Variants in SLC8A1 observed in about 807,000 individuals in gnomAD.
SLC8A1 encodes the protein sodium/calcium exchanger 1.
Under a neutral mutation model 68.3 loss-of-function variants are expected in SLC8A1, and 18 were observed. The ratio of observed to expected loss-of-function variants is 0.26; its 90% confidence interval spans 0.18 to 0.39. The LOEUF is 0.39. Among genes scored for constraint, SLC8A1 ranks in the 10% least tolerant of loss-of-function variants. The pLI is 1.00. For synonymous variants in SLC8A1, 475 were observed against 415.5 expected (o/e 1.14, Z -1.74); for missense variants, 985 against 1,156.7 (o/e 0.85, Z 2.15).
intron 7 of SLC8A1, among the ~76,000 whole-genome samples, chr2:40,124,236 C>G (rs985610499): frequency 6.6e-6 from 1 of 152,162 alleles, no homozygotes; most frequent in African/African-American, 2.4e-5. Context: ...TCGTTGTCAG[C>G]TGGATTATAC....
intron 2 of SLC8A1, among the ~76,000 whole-genome samples, chr2:40,186,826 T>C (rs1558668877): frequency 6.6e-6 from 1 of 152,250 alleles, no homozygotes; most frequent in African/African-American, 2.4e-5. Flanking sequence ...ACAGTGATTA[T>C]GATGTTCACA....
At chr2:40,179,047 T>C (rs1359696406) in intron 2 of SLC8A1, among the ~76,000 whole-genome samples, 1 of 150,274 alleles carries the variant, frequency 6.7e-6, no homozygotes, top group African/African-American at 2.4e-5. Flanking sequence ...ACAAAGAAAA[T>C]ATAGTCAAGT....
rs146353147 is a variant in SLC8A1, at chr2:40,491,766, A to C, written c.-25+20583T>G. Among the ~76,000 whole-genome samples, 1,354 of 152,252 alleles carry C rather than the reference A, an allele frequency of 8.9e-3. 22 individuals carry two copies. The highest frequency in any genetic ancestry group is 0.031 in the African/African-American group (1,289 of 41,556). On this transcript the variant is annotated intron_variant, in intron 1 of 7. Transcript: ENST00000402441. Reference sequence around the variant, plus strand: ...GTGGTTTTTGTCTTTGGTTCTGTTTATATGCTGGATTACATTTATTGATTT... The same window carrying C: ...GTGGTTTTTGTCTTTGGTTCTGTTTCTATGCTGGATTACATTTATTGATTT...
intron 2 of SLC8A1, among the ~76,000 whole-genome samples, chr2:40,226,999 G>C (rs1052480139): frequency 2.6e-5 from 4 of 152,064 alleles, no homozygotes; most frequent in African/African-American, 9.7e-5. Context: ...TAACAACAGG[G>C]ACATTACTTG....
chr2:40,234,647 G>T (rs1245507521), intron 2 of SLC8A1, among the ~76,000 whole-genome samples: 2 of 152,190 alleles, frequency 1.3e-5, no homozygotes, highest in Non-Finnish European at 2.9e-5. Context: ...TTGAATAGGA[G>T]TGGTGAGAGA....
chr2:40,120,993 T>C (rs937952766), intron 7 of SLC8A1, among the ~76,000 whole-genome samples: 1 of 152,216 alleles, frequency 6.6e-6, no homozygotes, highest in African/African-American at 2.4e-5. Flanking sequence ...TTGTCCAGCC[T>C]GCCTTATTTT....
chr2:40,418,874 G>A (rs1255973786), intron 2 of SLC8A1, among the ~76,000 whole-genome samples: 5 of 152,152 alleles, frequency 3.3e-5, no homozygotes, highest in Non-Finnish European at 7.3e-5. Flanking sequence ...CTGGGGAAAA[G>A]CAGGCACAGG....
chr2:40,386,670 T>C lies in SLC8A1; in HGVS notation c.1808+41803A>G, dbSNP rs987512071. On this transcript the variant is annotated intron_variant, in intron 2 of 7. Coordinates refer to ENST00000406785, the Ensembl canonical transcript of SLC8A1. Reference sequence around the variant, plus strand: ...AATGCAGTTAAGTTTCCAAGTATATTATTAATAAATAATTGTAGGAAAAGT... The same window carrying C: ...AATGCAGTTAAGTTTCCAAGTATATCATTAATAAATAATTGTAGGAAAAGT... Among the ~76,000 whole-genome samples, 6 of 150,576 alleles carry C rather than the reference T, an allele frequency of 4.0e-5. No homozygotes were observed. In the South Asian group the frequency reaches 1.3e-3, roughly 31 times the overall value.
intron 2 of SLC8A1, chr2:40,209,126 A>G (rs1056214859): frequency 5.9e-5 from 9 of 152,142 alleles, no homozygotes; most frequent in African/African-American, 2.2e-4. Flanking sequence ...TTAGTATGCT[A>G]GATGTGCTAT....
chr2:40,213,969 A>G (rs2057041442), intron 2 of SLC8A1, among the ~76,000 whole-genome samples: 1 of 152,212 alleles, frequency 6.6e-6, no homozygotes, highest in Non-Finnish European at 1.5e-5. Flanking sequence ...GTCATGGAAA[A>G]TGAATAGCCA....
At chr2:40,278,040 G>C (rs1209127832) in intron 2 of SLC8A1, among the ~76,000 whole-genome samples, 1 of 151,864 alleles carries the variant, frequency 6.6e-6, no homozygotes, top group African/African-American at 2.4e-5. Context: ...AGGTATCTCA[G>C]TATTTCCTGA....
chr2:40,107,795 T>C (rs2034308790), exon 8 of SLC8A1: 1 of 152,188 alleles, frequency 6.6e-6, no homozygotes, highest in South Asian at 2.1e-4. Flanking sequence ...CTGTATGCTG[T>C]AGCAAGAGAG....
At chr2:40,356,646 G>C (rs1385889017) in intron 2 of SLC8A1, among the ~76,000 whole-genome samples, 2 of 151,046 alleles carry the variant, frequency 1.3e-5, no homozygotes, top group East Asian at 3.9e-4. Flanking sequence ...ATAATGTTAA[G>C]ATGTTGGTTT....
At chr2:40,331,330 CAGAATATTCAT>C (rs1266515287) in intron 2 of SLC8A1, among the ~76,000 whole-genome samples, 2 of 152,126 alleles carry the variant, frequency 1.3e-5, no homozygotes, top group Admixed American at 6.5e-5. Context: ...TCATTTTCTA[CAGAATATTCAT>C]AGAATATTCA....
Position 40,442,493 on chromosome 2 carries a change from A to G in SLC8A1, c.-25+9411T>C, listed in dbSNP as rs149078827. Among the ~76,000 whole-genome samples, 1,388 of 152,256 alleles carry G rather than the reference A, an allele frequency of 9.1e-3. 17 individuals are homozygous for G. The highest frequency in any genetic ancestry group is 0.032 in the African/African-American group (1,312 of 41,556). Reference sequence around the variant, plus strand: ...GAAGTCATTTATGCAGCCAACAAACATATCAAGAAAAGCTCATCATCACTG... The same window carrying G: ...GAAGTCATTTATGCAGCCAACAAACGTATCAAGAAAAGCTCATCATCACTG... On this transcript the variant is annotated intron_variant, in intron 1 of 7. Transcript: ENST00000406785.
intron 2 of SLC8A1, among the ~76,000 whole-genome samples, chr2:40,314,448 C>G (rs568384137): frequency 1.3e-5 from 2 of 151,564 alleles, no homozygotes; most frequent in South Asian, 4.1e-4. Flanking sequence ...TCCTTTTGTT[C>G]TTTTTTTCCA....
intron 2 of SLC8A1, among the ~76,000 whole-genome samples, chr2:40,336,061 G>A (rs148521617): frequency 1.9e-3 from 284 of 152,296 alleles, no homozygotes; most frequent in African/African-American, 6.3e-3. Flanking sequence ...TCCTTATGAT[G>A]TCATGCCATG....
chr2:40,114,653 G>A (rs549959508), exon 8 of SLC8A1: 2 of 152,698 alleles, frequency 1.3e-5, no homozygotes, highest in African/African-American at 4.8e-5. Context: ...CTTCTTCTTG[G>A]AGGCAGCTTC....
At chr2:40,277,188 C>G (rs2066816431) in intron 2 of SLC8A1, among the ~76,000 whole-genome samples, 1 of 151,860 alleles carries the variant, frequency 6.6e-6, no homozygotes, top group Non-Finnish European at 1.5e-5. Context: ...CTTGCTTTGT[C>G]AGTTTGTCAC....
Sources: allele counts gnomAD v4.1 joint callset (sites outside exome capture counted in the v4.1 genomes callset), GRCh38; gene constraint gnomAD v4.1.1; transcripts MANE v1.5; gene names NCBI Gene and HGNC (gene_info 2026-07-23, HGNC 2026-07-21).